DSCAM: variants seen among roughly 807,000 people sequenced by gnomAD.
The protein encoded by DSCAM is cell adhesion molecule DSCAM.
DSCAM carries 47 observed loss-of-function variants against 217.7 expected under a neutral mutation model. That is an observed-to-expected ratio of 0.22 (90% confidence interval 0.17 to 0.28). The LOEUF is 0.28. Among genes scored for constraint, DSCAM ranks in the 10% least tolerant of loss-of-function variants. The pLI is 1.00. For synonymous variants in DSCAM, 1,056 were observed against 1,015.3 expected (o/e 1.04, Z -0.76); for missense variants, 2,080 against 2,618.3 (o/e 0.79, Z 4.49).
At chr21:40,829,088 G>A (rs1482480501) in intron 1 of DSCAM, among the ~76,000 whole-genome samples, 1 of 152,182 alleles carries the variant, frequency 6.6e-6, no homozygotes. Flanking sequence ...TCTGCCCAGG[G>A]TCATGTGTTC....
chr21:40,299,518 G>A (rs2073991106), intron 9 of DSCAM, among the ~76,000 whole-genome samples: 1 of 152,092 alleles, frequency 6.6e-6, no homozygotes, highest in African/African-American at 2.4e-5. Flanking sequence ...GGCAAAATTA[G>A]AGGTGATGGA....
intron 1 of DSCAM, among the ~76,000 whole-genome samples, chr21:40,765,218 A>G (rs141683985): frequency 4.7e-4 from 72 of 152,306 alleles, no homozygotes; most frequent in African/African-American, 1.7e-3. Context: ...TTCCTAACCA[A>G]TGTCATTGCC....
intron 22 of DSCAM, among the ~76,000 whole-genome samples, 167 bp from the exon 23 acceptor site, chr21:40,085,932 A>G (rs2089526833): frequency 6.6e-6 from 1 of 152,260 alleles, no homozygotes; most frequent in Admixed American, 6.5e-5. Context: ...AACAATCAAT[A>G]GCTGTGTAGC....
At chr21:40,039,632 A>C (rs1216454363) in intron 32 of DSCAM, among the ~76,000 whole-genome samples, 1 of 152,204 alleles carries the variant, frequency 6.6e-6, no homozygotes, top group African/African-American at 2.4e-5. Context: ...ATTCATTTAA[A>C]AATAATTCTT....
intron 8 of DSCAM, among the ~76,000 whole-genome samples, chr21:40,323,079 T>C (rs1194516402): frequency 6.6e-6 from 1 of 152,154 alleles, no homozygotes; most frequent in Non-Finnish European, 1.5e-5. Context: ...AGTGACTGAT[T>C]GAGGAGCAAT....
At chr21:40,659,131 T>A (rs1346729454) in intron 3 of DSCAM, among the ~76,000 whole-genome samples, 1 of 152,006 alleles carries the variant, frequency 6.6e-6, no homozygotes, top group Non-Finnish European at 1.5e-5. Context: ...CCAATGTGCC[T>A]CCAAGGGTCA....
chr21:40,783,509 G>C (rs544104746), intron 1 of DSCAM, among the ~76,000 whole-genome samples: 2 of 152,126 alleles, frequency 1.3e-5, no homozygotes, highest in South Asian at 2.1e-4. Flanking sequence ...CCACTAAAAG[G>C]CCTCAGTTCC....
chr21:40,159,057 T>C (rs772288607), intron 16 of DSCAM, among the ~76,000 whole-genome samples: 9 of 152,214 alleles, frequency 5.9e-5, no homozygotes, highest in Non-Finnish European at 1.0e-4. Context: ...GAAAATAGTC[T>C]GGAAAATAGC....
chr21:40,039,170 TAAAGAAAAGA>T (rs566028344), intron 32 of DSCAM, among the ~76,000 whole-genome samples: 1 of 150,310 alleles, frequency 6.7e-6, no homozygotes, highest in Admixed American at 6.6e-5. Context: ...AGTATAATAA[TAAAGAAAAGA>T]AAAGAAAAAG....
intron 11 of DSCAM, among the ~76,000 whole-genome samples, chr21:40,235,095 C>T (rs1291606367): frequency 6.6e-6 from 1 of 152,118 alleles, no homozygotes; most frequent in Non-Finnish European, 1.5e-5. Context: ...ACACTACATG[C>T]AAGAAACAAA....
At chr21:40,274,638 A>G (rs2073662914) in intron 11 of DSCAM, among the ~76,000 whole-genome samples, 2 of 152,220 alleles carry the variant, frequency 1.3e-5, no homozygotes, top group South Asian at 2.1e-4. Flanking sequence ...TTACCATTTC[A>G]GCTCTGGATT....
chr21:40,357,289 T>A (rs149931513), intron 4 of DSCAM, among the ~76,000 whole-genome samples: 4 of 152,204 alleles, frequency 2.6e-5, no homozygotes, highest in African/African-American at 9.6e-5. Flanking sequence ...TATGTTCCCA[T>A]AGACTGAATA....
intron 32 of DSCAM, among the ~76,000 whole-genome samples, chr21:40,035,924 A>G (rs1000785390): frequency 6.7e-6 from 1 of 149,270 alleles, no homozygotes; most frequent in Non-Finnish European, 1.5e-5. Flanking sequence ...TACTGGGTAC[A>G]TAACGAAATG....
intron 8 of DSCAM, among the ~76,000 whole-genome samples, chr21:40,335,363 A>G (rs1299515132): frequency 1.3e-5 from 2 of 152,224 alleles, no homozygotes; most frequent in Non-Finnish European, 2.9e-5. Flanking sequence ...ATTATTCAAT[A>G]GAATTATTTC....
intron 2 of DSCAM, among the ~76,000 whole-genome samples, chr21:40,704,513 G>C (rs1379369802): frequency 6.6e-6 from 1 of 152,142 alleles, no homozygotes; most frequent in Non-Finnish European, 1.5e-5. Context: ...CCAGAAATTT[G>C]AGACCGGCCT....
At chr21:40,576,690 T>A (rs1481641069) in intron 3 of DSCAM, among the ~76,000 whole-genome samples, 1 of 151,926 alleles carries the variant, frequency 6.6e-6, no homozygotes, top group African/African-American at 2.4e-5. Context: ...TTAATACTTA[T>A]AATATATATA....
chr21:40,333,125 T>G (rs187941281), intron 8 of DSCAM, among the ~76,000 whole-genome samples: 102 of 152,274 alleles, frequency 6.7e-4, no homozygotes, highest in Admixed American at 3.3e-3. Context: ...CCAGGAAAAG[T>G]AGTGGAGCTG....
At chr21:40,461,878 C>A (rs910211681) in intron 3 of DSCAM, among the ~76,000 whole-genome samples, 3 of 152,176 alleles carry the variant, frequency 2.0e-5, no homozygotes, top group Non-Finnish European at 2.9e-5. Flanking sequence ...GAAACTCAAG[C>A]AGAACTGCTC....
intron 8 of DSCAM, among the ~76,000 whole-genome samples, chr21:40,326,512 G>GCTTAGT (rs986350656): frequency 6.6e-6 from 1 of 152,204 alleles, no homozygotes; most frequent in Non-Finnish European, 1.5e-5. Flanking sequence ...GGAAGACAAA[G>GCTTAGT]CTTAGTCTTT....
Sources: gnomAD v4.1 joint callset for allele counts (sites outside exome capture counted in the v4.1 genomes callset) on GRCh38, gnomAD v4.1.1 for gene constraint, MANE v1.5 for transcripts, NCBI Gene and HGNC (gene_info 2026-07-23, HGNC 2026-07-21) for gene names.